The following SLC5A10 variants were observed in gnomAD, a reference collection of about 807,000 sequenced individuals.
The protein encoded by SLC5A10 is sodium/mannose cotransporter SLC5A10.
SLC5A10 carries 55 observed loss-of-function variants against 68.9 expected under a neutral mutation model. The observed-to-expected ratio is 0.80, with a 90% CI of 0.64 to 1.00. The LOEUF (loss-of-function observed/expected upper bound fraction) is 1.00, where lower values mean the gene tolerates loss of function less well. Ranked by LOEUF, SLC5A10 falls within the 50% of genes least tolerant of loss-of-function variation. SLC5A10 has a pLI of 0.00. For missense variants in SLC5A10, 732 were observed against 819.3 expected, an observed-to-expected ratio of 0.89 and a Z score of 1.30; for synonymous variants, 344 against 344.8, an observed-to-expected ratio of 1.00 and a Z score of 0.02.
At position 19,003,656 on chromosome 17, in the gene SLC5A10, G is replaced by A. The variant is rs1426001076; in HGVS notation, c.983-9754G>A. 6.2e-7 allele frequency: 1 copy of A among 1,612,006 alleles called. No individual in the cohort carries two copies. Among genetic ancestry groups the A allele is most frequent in the Non-Finnish European group, 8.5e-7 (1 of 1,179,452 alleles). ...GTCGGGCCAGCCCAGGTCCAGCTGCGGGATGGAGCGGTCCGACTTCTGGGG... is the reference window on the plus strand; with the variant it reads ...GTCGGGCCAGCCCAGGTCCAGCTGCAGGATGGAGCGGTCCGACTTCTGGGG... On this transcript the variant is annotated intron_variant, in intron 9 of 14. Transcript: ENST00000395645. The surrounding 1 kb of genome is among the most constrained non-coding windows in gnomAD (Gnocchi z 4.5).
At chr17:18,979,423 C>G in intron 9 of SLC5A10, 1 of 1,179,644 alleles carries the variant, frequency 8.5e-7, no homozygotes. Flanking sequence ...TGTGCTCCAG[C>G]CCTGCGCACA....
At chr17:19,010,336 G>A (rs1213970403) in intron 9 of SLC5A10, among the ~76,000 whole-genome samples, 2 of 152,116 alleles carry the variant, frequency 1.3e-5, no homozygotes, top group African/African-American at 4.8e-5. Context: ...GGCTGGACGG[G>A]GAGCTGATGC....
chr17:18,993,200 C>G (rs553705696), intron 9 of SLC5A10, among the ~76,000 whole-genome samples: 14 of 152,304 alleles, frequency 9.2e-5, no homozygotes, highest in African/African-American at 3.1e-4. Flanking sequence ...CCTGATCCCT[C>G]TCCCCGACGC....
At chr17:18,952,681 C>T (rs560415144) in intron 1 of SLC5A10, among the ~76,000 whole-genome samples, 2 of 152,212 alleles carry the variant, frequency 1.3e-5, no homozygotes, top group South Asian at 4.1e-4. Flanking sequence ...CCCCGGGATT[C>T]CCTGGCTGCA....
rs1350136166 is a variant in SLC5A10, at chr17:18,971,847, T to G, written c.846+629T>G. ...GCACACAGGAGCCGGCAGGCCCGGG[T>G]TCGCCTCCTGGCTCTGCCATTCACC... On this transcript the variant is annotated intron_variant, in intron 8 of 14. Coordinates refer to ENST00000395645, the MANE Select transcript of SLC5A10 (RefSeq NM_001042450.4). The surrounding 1 kb of genome is among the most constrained non-coding windows in gnomAD (Gnocchi z 5.5). 9.8e-6 allele frequency: 13 copies of G among 1,331,620 alleles called. No homozygotes were observed. Among genetic ancestry groups the G allele is most frequent in the South Asian group, 3.0e-5 (2 of 66,832 alleles). The allele number at this position is 1,331,620 out of a possible 1,614,324, so 82.5% of individuals were successfully genotyped here.
chr17:19,008,938 A>G (rs1015545080), intron 9 of SLC5A10, among the ~76,000 whole-genome samples: 1 of 151,758 alleles, frequency 6.6e-6, no homozygotes, highest in African/African-American at 2.4e-5. Flanking sequence ...TAGCCTCCCA[A>G]GTAGCTGGGA....
Position 18,968,444 on chromosome 17 carries a change from C to T in SLC5A10, c.454-608C>T, listed in dbSNP as rs2042755303. Among the ~76,000 whole-genome samples the T allele has an allele frequency of 6.6e-6, 1 of 152,222 alleles. No individual in the cohort carries two copies. Among genetic ancestry groups the T allele is most frequent in the African/African-American group, 2.4e-5 (1 of 41,458 alleles). Reference sequence around the variant, plus strand: ...AGAGGTTGGCCTCCAGGCTAGCGCTCCTGCCTTTAGGAGGAGCAGCCACAG... The same window carrying T: ...AGAGGTTGGCCTCCAGGCTAGCGCTTCTGCCTTTAGGAGGAGCAGCCACAG... On this transcript the variant is annotated intron_variant, in intron 5 of 14. Transcript: ENST00000395645. This position sits in a 1 kb window ranked among gnomAD's most constrained non-coding sequence, Gnocchi z 4.1.
chr17:19,019,960 C>G, intron 13 of SLC5A10, 32 bp downstream of exon 13: 1 of 1,557,926 alleles, frequency 6.4e-7, no homozygotes, highest in Non-Finnish European at 8.7e-7. Flanking sequence ...ACCCTGACCC[C>G]TAACAATTTC....
chr17:19,010,812 C>A (rs1396926623), intron 9 of SLC5A10, among the ~76,000 whole-genome samples: 1 of 152,192 alleles, frequency 6.6e-6, no homozygotes, highest in Non-Finnish European at 1.5e-5. Context: ...CCATGGGGCC[C>A]CCGGCTCTGT....
Position 19,000,789 on chromosome 17 carries a change from C to T in SLC5A10, c.983-12621C>T, listed in dbSNP as rs115132963. The stretch of plus-strand genomic sequence containing the variant: ...AGAAGGGGAGGTGGAAGCATGGGCA[C>T]GAGAGGTGATTCATGGGGAGAGATA... On this transcript the variant is annotated intron_variant, in intron 9 of 14. Coordinates refer to ENST00000395645, the MANE Select transcript of SLC5A10 (RefSeq NM_001042450.4). This position sits in a 1 kb window ranked among gnomAD's most constrained non-coding sequence, Gnocchi z 5.2. Among the ~76,000 whole-genome samples, 473 of 152,220 alleles carry T rather than the reference C, an allele frequency of 3.1e-3. 1 individual carries two copies. The highest frequency in any genetic ancestry group is 0.011 in the African/African-American group (443 of 41,540).
intron 9 of SLC5A10, chr17:18,979,188 A>C (rs976804978): frequency 6.1e-5 from 28 of 460,392 alleles, no homozygotes; most frequent in Non-Finnish European, 9.9e-5. Flanking sequence ...GCTGCCACCA[A>C]CCCCCATGTA....
Position 18,978,350 on chromosome 17 carries a change from G to A in SLC5A10, c.982+1361G>A. On this transcript the variant is annotated intron_variant, in intron 9 of 14. Transcript: ENST00000395645. ...GATGCGGTTCATCTGGCTGGGCTGG[G>A]GGTTCCAGATGTTGGGGTCGATGAT... 6 of 1,601,282 alleles carry A rather than the reference G, an allele frequency of 3.7e-6. No homozygotes were observed. The South Asian group carries it at 4.5e-5, about 12-fold the overall frequency.
At chr17:18,970,265 C>G (rs2042808164) in intron 7 of SLC5A10, 1 of 152,318 alleles carries the variant, frequency 6.6e-6, no homozygotes, top group Non-Finnish European at 1.5e-5. Context: ...AGGCTTCTCC[C>G]TCTCAGACCA....
At position 18,958,691 on chromosome 17, in the gene SLC5A10, C is replaced by A; in HGVS notation, c.121C>A (p.Arg41=). Residue 41 remains arginine, a synonymous_variant, in exon 2 of 15, where the codon CGG becomes AGG. Coordinates refer to ENST00000395645, the MANE Select transcript of SLC5A10 (RefSeq NM_001042450.4). ...TTTTCTCCTCTTGCAGTCCTCTTGT[C>A]GGGCCAGTAGGAACACGGTGAATGG... ...NVAVGIWSSC[R]ASRNTVNGYF... The A allele has an allele frequency of 6.2e-7, 1 of 1,614,166 alleles. No individual in the cohort carries two copies. Among genetic ancestry groups the A allele is most frequent in the Non-Finnish European group, 8.5e-7 (1 of 1,180,010 alleles).
Position 18,959,656 on chromosome 17 carries a change from CCTCAGAGGTGAGTCTA to C in SLC5A10, c.346_348+13del. 6.2e-7 allele frequency: 1 copy of C among 1,614,044 alleles called. No individual in the cohort carries two copies. The highest frequency in any genetic ancestry group is 8.5e-7 in the Non-Finnish European group (1 of 1,180,002). ...TGGGTGTTCGTGCCCATCTACATCT[CCTCAGAGGTGAGTCTA>C]CTCATGGGGCCTCCAGCTGGGGGGC... is the stretch of plus-strand genomic sequence containing the variant. On this transcript the variant is annotated splice_donor_variant and splice_donor_5th_base_variant and coding_sequence_variant and intron_variant, in exon 4 of 15. Coordinates refer to ENST00000395645, the MANE Select transcript of SLC5A10 (RefSeq NM_001042450.4). LOFTEE classifies it high-confidence loss of function.
intron 9 of SLC5A10, chr17:18,978,423 C>T (rs2152009648): frequency 1.3e-6 from 2 of 1,594,894 alleles, no homozygotes; most frequent in Non-Finnish European, 1.7e-6. Flanking sequence ...TCTGGCTCCA[C>T]CCACGTGGGC....
chr17:19,001,560 G>A (rs1017740002), intron 9 of SLC5A10, among the ~76,000 whole-genome samples: 3 of 152,230 alleles, frequency 2.0e-5, no homozygotes, highest in Admixed American at 1.3e-4. Context: ...GCTTCTTCCT[G>A]GCTATGTCAC....
At chr17:18,961,247 T>C (rs895491331) in intron 5 of SLC5A10, among the ~76,000 whole-genome samples, 5 of 152,238 alleles carry the variant, frequency 3.3e-5, no homozygotes, top group South Asian at 2.1e-4. Context: ...GAGCTTGTCC[T>C]AACCCTCCCG....
At chr17:19,006,146 C>A (rs112139355) in intron 9 of SLC5A10, among the ~76,000 whole-genome samples, 4 of 152,322 alleles carry the variant, frequency 2.6e-5, no homozygotes, top group South Asian at 2.1e-4. Context: ...CCAGTAGCGA[C>A]GTTTTGCATA....
Sources: allele counts gnomAD v4.1 joint callset (sites outside exome capture counted in the v4.1 genomes callset), GRCh38; gene constraint gnomAD v4.1.1; non-coding constraint Gnocchi (gnomAD v3.1); transcripts MANE v1.5; gene names NCBI Gene and HGNC (gene_info 2026-07-23, HGNC 2026-07-21).